TMTC2: variants seen among roughly 807,000 people sequenced by gnomAD.
TMTC2 encodes the protein transmembrane O-mannosyltransferase targeting cadherins 2.
TMTC2 carries 43 observed loss-of-function variants against 82.4 expected under a neutral mutation model. The ratio of observed to expected loss-of-function variants is 0.52; its 90% CI spans 0.41 to 0.67. TMTC2 has a LOEUF of 0.67. Ranked by LOEUF, TMTC2 falls within the 30% of genes least tolerant of loss-of-function variation. The probability of loss-of-function intolerance (pLI) is 0.00; values close to 1 mark genes in which losing one functional copy is unlikely to be tolerated. For synonymous variants in TMTC2, 408 were observed against 381.9 expected, an observed-to-expected ratio of 1.07 and a Z score of -0.80; for missense variants, 919 against 1,012.4, an observed-to-expected ratio of 0.91 and a Z score of 1.25.
At chr12:82,912,436 G>A (rs776651491) in intron 3 of TMTC2, among the ~76,000 whole-genome samples, 12 of 152,150 alleles carry the variant, frequency 7.9e-5, no homozygotes, top group Non-Finnish European at 1.8e-4. Flanking sequence ...GGATAAGAGA[G>A]TAAATATCTC....
At chr12:83,108,203 C>T (rs562713307) in intron 11 of TMTC2, among the ~76,000 whole-genome samples, 15 of 152,170 alleles carry the variant, frequency 9.9e-5, no homozygotes, top group Middle Eastern at 3.4e-3. Flanking sequence ...TGGACTAATA[C>T]GGTCTTTAAA....
At chr12:83,064,487 A>G (rs1288488865) in intron 11 of TMTC2, among the ~76,000 whole-genome samples, 1 of 151,968 alleles carries the variant, frequency 6.6e-6, no homozygotes, top group African/African-American at 2.4e-5. Context: ...TTAACAGTAA[A>G]TAAATGATGT....
At chr12:82,703,748 A>C (rs899421896) in intron 1 of TMTC2, among the ~76,000 whole-genome samples, 1 of 152,092 alleles carries the variant, frequency 6.6e-6, no homozygotes, top group Non-Finnish European at 1.5e-5. Flanking sequence ...CGGTCCCCCA[A>C]AGTGCTGGGA....
chr12:82,789,254 T>A (rs982411066), intron 1 of TMTC2, among the ~76,000 whole-genome samples: 4 of 152,122 alleles, frequency 2.6e-5, no homozygotes, highest in Non-Finnish European at 5.9e-5. Context: ...TGCCAAGCAA[T>A]CATGACCATC....
intron 4 of TMTC2, among the ~76,000 whole-genome samples, chr12:82,938,571 A>G (rs1796150): frequency 0.91 from 138,681 of 152,046 alleles, 63,379 homozygotes; most frequent in East Asian, 1. Context: ...CTGACAGAGC[A>G]AATGAGACTG....
At chr12:82,915,385 G>T (rs1363499446) in intron 3 of TMTC2, among the ~76,000 whole-genome samples, 1 of 152,192 alleles carries the variant, frequency 6.6e-6, no homozygotes, top group African/African-American at 2.4e-5. Context: ...GAAATAGGAA[G>T]TAGAAGAGTT....
intron 11 of TMTC2, among the ~76,000 whole-genome samples, chr12:83,068,252 A>G (rs755570467): frequency 5.5e-4 from 83 of 152,206 alleles, no homozygotes; most frequent in Non-Finnish European, 2.2e-4. Flanking sequence ...GGGGGAAAAG[A>G]TTATTTAATT....
chr12:83,124,958 A>G (rs1044875887), intron 11 of TMTC2, among the ~76,000 whole-genome samples: 1 of 152,218 alleles, frequency 6.6e-6, no homozygotes, highest in African/African-American at 2.4e-5. Flanking sequence ...AATGAAGAGT[A>G]GTAAAGAGAG....
In TMTC2 at chr12:82,947,909, A is replaced by T. The variant is rs145888007; in HGVS notation, c.1599-17115A>T. 8.6e-3 allele frequency among the ~76,000 whole-genome samples: 1,310 copies of T among 152,068 alleles called. 21 individuals carry two copies. The highest frequency in any genetic ancestry group is 0.03 in the African/African-American group (1,242 of 41,474). ...CAACGTCTCTCAGCCCTTTTTCTCC[A>T]TTCTTCAGCCTTGTCTACCAATTTG... On this transcript the variant is annotated intron_variant, in intron 4 of 11. Transcript: ENST00000321196.
rs1353875714 is a variant in TMTC2 at position 82,901,297 on chromosome 12, TATA to T, written c.1483+4652_1483+4654del. The stretch of plus-strand genomic sequence containing the variant: ...ATAGAGAGAGTAATATATATATATA[TATA>T]TTTTTTTTTCTTTTTTTTTTTTGAG... On this transcript the variant is annotated intron_variant, in intron 3 of 11. Coordinates refer to ENST00000321196, the MANE Select transcript of TMTC2 (RefSeq NM_152588.3). 5.7e-4 allele frequency among the ~76,000 whole-genome samples: 71 copies of T among 123,690 alleles called. 1 individual carries two copies. The highest frequency in any genetic ancestry group is 3.1e-3 in the East Asian group (14 of 4,556). 81.1% of individuals were successfully genotyped at this position (123,690 alleles called of 152,430 possible). A position where few individuals can be genotyped will look rare whatever the true frequency, so the allele number is the denominator to read the frequency against.
chr12:83,131,667 C>T (rs10161148), intron 11 of TMTC2, among the ~76,000 whole-genome samples: 2,237 of 152,104 alleles, frequency 0.015, 55 homozygotes, highest in African/African-American at 0.052. Context: ...TTGGGAAGGG[C>T]TTTAGTGGTT....
intron 1 of TMTC2, among the ~76,000 whole-genome samples, chr12:82,849,101 G>A (rs751729710): frequency 1.8e-4 from 28 of 152,094 alleles, no homozygotes; most frequent in Non-Finnish European, 3.8e-4. Flanking sequence ...AAGAAATAGG[G>A]CAGAATGAGG....
chr12:82,711,437 TAAAAAAA>T (rs547842827), intron 1 of TMTC2, among the ~76,000 whole-genome samples: 1 of 143,640 alleles, frequency 7.0e-6, no homozygotes, highest in Admixed American at 7.0e-5. Flanking sequence ...AATATGTTGT[TAAAAAAA>T]AAAACGAAAA....
At chr12:82,745,917 A>G (rs916170614) in intron 1 of TMTC2, among the ~76,000 whole-genome samples, 11 of 152,188 alleles carry the variant, frequency 7.2e-5, no homozygotes, top group Non-Finnish European at 5.9e-5. Flanking sequence ...CAGAATTAGG[A>G]ACTGTGGCAG....
At chr12:83,107,105 A>G (rs1355165149) in intron 11 of TMTC2, among the ~76,000 whole-genome samples, 1 of 152,258 alleles carries the variant, frequency 6.6e-6, no homozygotes, top group East Asian at 1.9e-4. Context: ...CTGAGGATGT[A>G]TGGCTCAGGG....
At chr12:83,039,683 C>A (rs1047969687) in intron 9 of TMTC2, among the ~76,000 whole-genome samples, 1 of 152,010 alleles carries the variant, frequency 6.6e-6, no homozygotes, top group Admixed American at 6.6e-5. Flanking sequence ...TAGATAAATT[C>A]TTTACAGGGC....
At chr12:82,926,800 G>T (rs999345355) in intron 3 of TMTC2, among the ~76,000 whole-genome samples, 2 of 152,160 alleles carry the variant, frequency 1.3e-5, no homozygotes, top group African/African-American at 4.8e-5. Context: ...AATCTACTCT[G>T]TTTATGCTCT....
chr12:82,877,369 T>C (rs1403228013), intron 2 of TMTC2, among the ~76,000 whole-genome samples: 1 of 152,220 alleles, frequency 6.6e-6, no homozygotes, highest in Admixed American at 6.5e-5. Flanking sequence ...TTCAGGAATA[T>C]CCTGTCTCTC....
At chr12:82,956,296 A>AATAT (rs146632110) in intron 4 of TMTC2, among the ~76,000 whole-genome samples, 200 of 150,290 alleles carry the variant, frequency 1.3e-3, no homozygotes, top group African/African-American at 4.5e-3. Context: ...TGGAATGAAA[A>AATAT]ATATATATAT....
Sources: gnomAD v4.1 joint callset for allele counts (sites outside exome capture counted in the v4.1 genomes callset) on GRCh38, gnomAD v4.1.1 for gene constraint, MANE v1.5 for transcripts, NCBI Gene and HGNC (gene_info 2026-07-23, HGNC 2026-07-21) for gene names.